Variants in RBFOX1 observed in about 807,000 individuals in gnomAD.
RBFOX1 encodes the protein RNA binding fox-1 homolog 1, also known as RNA binding protein fox-1 homolog 1.
Under a neutral mutation model 57.7 loss-of-function variants are expected in RBFOX1, and 8 were observed. That is an observed-to-expected ratio of 0.14 (90% confidence interval 0.08 to 0.25). The LOEUF (loss-of-function observed/expected upper bound fraction) is 0.25. Ranked by LOEUF, RBFOX1 falls within the 10% of genes least tolerant of loss-of-function variation. The pLI, the probability that RBFOX1 is intolerant of heterozygous loss-of-function variation, is 1.00. For missense variants in RBFOX1, 611 were observed against 548.5 expected (o/e 1.11, Z -1.14); for synonymous variants, 326 against 222.4 (o/e 1.47, Z -4.15).
intron 3 of RBFOX1, among the ~76,000 whole-genome samples, chr16:5,692,641 G>A (rs1004859521): frequency 1.3e-5 from 2 of 152,072 alleles, no homozygotes; most frequent in Non-Finnish European, 1.5e-5. Context: ...AGGTGAGTAC[G>A]TACACACTCC....
intron 1 of RBFOX1, among the ~76,000 whole-genome samples, chr16:6,178,120 T>C (rs2097028114): frequency 6.6e-6 from 1 of 151,778 alleles, no homozygotes; most frequent in Admixed American, 6.6e-5. Context: ...TATTTGGTTA[T>C]GGTCATGGAC....
intron 4 of RBFOX1, among the ~76,000 whole-genome samples, chr16:7,323,205 C>G (rs1161912331): frequency 2.0e-5 from 3 of 152,156 alleles, no homozygotes; most frequent in Admixed American, 1.3e-4. Context: ...GGGAGGATCA[C>G]TTGATCCCAG....
chr16:7,429,625 G>T lies in RBFOX1; in HGVS notation c.28-88522G>T, dbSNP rs1008517590. On this transcript the variant is annotated intron_variant, in intron 4 of 15. Coordinates refer to ENST00000550418, the MANE Select transcript of RBFOX1 (RefSeq NM_018723.4). ...AGCAGAAAATAGTCGTCAGGTGGAT[G>T]AATACAGGATGGGAGGAACTGATAA... Among the ~76,000 whole-genome samples the T allele has an allele frequency of 3.3e-5, 5 of 152,206 alleles. No individual in the cohort carries two copies. The South Asian group carries it at 6.2e-4, about 19-fold the overall frequency.
At chr16:6,887,819 C>T (rs546307414) in intron 3 of RBFOX1, among the ~76,000 whole-genome samples, 2 of 152,196 alleles carry the variant, frequency 1.3e-5, no homozygotes, top group East Asian at 3.9e-4. Context: ...CTCGTCACCA[C>T]ACCTGGCTAA....
At chr16:7,017,610 C>T (rs2093980441) in intron 3 of RBFOX1, among the ~76,000 whole-genome samples, 1 of 152,128 alleles carries the variant, frequency 6.6e-6, no homozygotes, top group Non-Finnish European at 1.5e-5. Flanking sequence ...GGTCAAGGTA[C>T]ATTGTGGCCT....
At chr16:6,941,663 C>G (rs894663049) in intron 3 of RBFOX1, among the ~76,000 whole-genome samples, 3 of 151,852 alleles carry the variant, frequency 2.0e-5, no homozygotes, top group African/African-American at 7.3e-5. Context: ...ATCTATAAAG[C>G]AGGTCAGTCA....
intron 4 of RBFOX1, among the ~76,000 whole-genome samples, chr16:7,378,596 A>T (rs2097728323): frequency 6.6e-6 from 1 of 152,144 alleles, no homozygotes; most frequent in Non-Finnish European, 1.5e-5. Context: ...GTGGTGGGAG[A>T]AGCATTAGGC....
At chr16:7,000,586 C>A (rs377123560) in intron 3 of RBFOX1, among the ~76,000 whole-genome samples, 14 of 95,832 alleles carry the variant, frequency 1.5e-4, no homozygotes, top group East Asian at 1.2e-3. Flanking sequence ...TTTTTTCTTT[C>A]TTTTTCTTTC....
chr16:6,415,832 G>A (rs1039871449), intron 2 of RBFOX1, among the ~76,000 whole-genome samples: 13 of 152,328 alleles, frequency 8.5e-5, no homozygotes, highest in East Asian at 5.8e-4. Flanking sequence ...GACAGCTAAC[G>A]TAGGGACTTC....
intron 2 of RBFOX1, among the ~76,000 whole-genome samples, chr16:6,383,754 T>A (rs553103064): frequency 1.3e-5 from 2 of 151,226 alleles, no homozygotes; most frequent in African/African-American, 4.9e-5. Context: ...TGGGCGACAG[T>A]GCGAGAATTT....
chr16:6,623,638 C>T (rs1163126801), intron 2 of RBFOX1, among the ~76,000 whole-genome samples: 5 of 151,842 alleles, frequency 3.3e-5, no homozygotes, highest in Non-Finnish European at 5.9e-5. Flanking sequence ...TGTTCCCCTT[C>T]CTGTGTCCAT....
chr16:6,798,243 A>C (rs2154254456), intron 3 of RBFOX1, among the ~76,000 whole-genome samples: 1 of 152,310 alleles, frequency 6.6e-6, no homozygotes, highest in South Asian at 2.1e-4. Context: ...TACTAGTCCC[A>C]GAGAAGAGTT....
chr16:7,525,803 T>C (rs1031294193), intron 5 of RBFOX1, among the ~76,000 whole-genome samples: 2 of 152,204 alleles, frequency 1.3e-5, no homozygotes, highest in Admixed American at 1.3e-4. Flanking sequence ...TTGAATGCTG[T>C]TAGAATCCCA....
intron 3 of RBFOX1, among the ~76,000 whole-genome samples, chr16:5,717,391 G>T (rs2051744580): frequency 6.6e-6 from 1 of 152,106 alleles, no homozygotes; most frequent in African/African-American, 2.4e-5. Flanking sequence ...CGGTACAGGT[G>T]GTTTTTGGTT....
At chr16:6,832,787 T>A (rs12922232) in intron 3 of RBFOX1, among the ~76,000 whole-genome samples, 4 of 151,842 alleles carry the variant, frequency 2.6e-5, no homozygotes, top group African/African-American at 7.3e-5. Flanking sequence ...CTTGTGCTCC[T>A]AGGTGAGCAG....
At chr16:6,272,510 C>A (rs1430631614) in intron 1 of RBFOX1, among the ~76,000 whole-genome samples, 3 of 152,150 alleles carry the variant, frequency 2.0e-5, no homozygotes, top group African/African-American at 7.2e-5. Context: ...CATTGATTCT[C>A]CCCAAATGGA....
chr16:6,324,755 GC>G (rs1319422351), intron 2 of RBFOX1, among the ~76,000 whole-genome samples: 1 of 152,058 alleles, frequency 6.6e-6, no homozygotes, highest in Non-Finnish European at 1.5e-5. Context: ...TTTAACTAGG[GC>G]CCCATCTAAC....
intron 2 of RBFOX1, among the ~76,000 whole-genome samples, chr16:5,527,439 T>C (rs1392676900): frequency 6.6e-6 from 1 of 152,182 alleles, no homozygotes; most frequent in Admixed American, 6.5e-5. Context: ...ATATTGAGGA[T>C]GGCATTGGAA....
intron 2 of RBFOX1, among the ~76,000 whole-genome samples, chr16:5,550,995 C>A (rs890050889): frequency 1.3e-5 from 2 of 152,064 alleles, no homozygotes; most frequent in African/African-American, 4.8e-5. Context: ...TATTTCTGGC[C>A]CATAACTCTC....
Sources: gnomAD v4.1 joint callset for allele counts (sites outside exome capture counted in the v4.1 genomes callset) on GRCh38, gnomAD v4.1.1 for gene constraint, MANE v1.5 for transcripts, NCBI Gene and HGNC (gene_info 2026-07-23, HGNC 2026-07-21) for gene names.